SNX29: variants seen among roughly 807,000 people sequenced by gnomAD.
SNX29 encodes sorting nexin 29.
A neutral mutation model predicts 102.1 loss-of-function variants in SNX29; 78 were observed. The ratio of observed to expected loss-of-function variants is 0.76; its 90% CI spans 0.64 to 0.92. SNX29 has a LOEUF of 0.92. SNX29 is among the 40% of genes least tolerant of loss of function. The pLI, the probability that SNX29 is intolerant of heterozygous loss-of-function variation, is 0.00. For missense variants in SNX29, 1,280 were observed against 1,061.7 expected (o/e 1.21, Z -2.86); for synonymous variants, 580 against 414.5 (o/e 1.40, Z -4.85).
At chr16:12,159,066 C>T (rs1333233604) in intron 13 of SNX29, among the ~76,000 whole-genome samples, 1 of 152,220 alleles carries the variant, frequency 6.6e-6, no homozygotes, top group African/African-American at 2.4e-5. Flanking sequence ...GAAAGCACAT[C>T]TTGTGCATAA....
chr16:12,052,432 G>A, intron 8 of SNX29: 2 of 478,784 alleles, frequency 4.2e-6, no homozygotes, highest in Middle Eastern at 6.4e-4. Context: ...GGCCAGGCTG[G>A]TCTCAAACTC....
rs1256639892 is a variant in SNX29 at position 12,444,251 on chromosome 16, CGAGCACGTAGTAAGCACTCAGTA to C, written c.2038-33467_2038-33445del. Among the ~76,000 whole-genome samples the C allele has an allele frequency of 5.9e-3, 894 of 151,666 alleles. 6 individuals carry two copies. The highest frequency in any genetic ancestry group is 0.018 in the South Asian group (85 of 4,760). ...ATGTGGTAAGCACTCAATATAGCACCGAGCACGTAGTAAGCACTCAGTATAGCACCTAGCATGTAGTAAGCACT... is the reference window on the plus strand; with the variant it reads ...ATGTGGTAAGCACTCAATATAGCACCTAGCACCTAGCATGTAGTAAGCACT... On this transcript the variant is annotated intron_variant, in intron 18 of 20. Coordinates refer to ENST00000566228, the MANE Select transcript of SNX29 (RefSeq NM_032167.5).
intron 13 of SNX29, among the ~76,000 whole-genome samples, chr16:12,155,418 G>A (rs1386031712): frequency 6.6e-6 from 1 of 152,176 alleles, no homozygotes; most frequent in Non-Finnish European, 1.5e-5. Flanking sequence ...AGAGCACGGG[G>A]ATGAGGTGAG....
intron 4 of SNX29, among the ~76,000 whole-genome samples, chr16:12,028,774 G>A (rs1318327244): frequency 6.6e-6 from 1 of 152,040 alleles, no homozygotes; most frequent in Non-Finnish European, 1.5e-5. Context: ...TTGAGATGGA[G>A]TCTTGCTCTT....
chr16:12,548,666 G>A (rs985238233), intron 20 of SNX29, among the ~76,000 whole-genome samples: 8 of 152,224 alleles, frequency 5.3e-5, no homozygotes, highest in African/African-American at 1.9e-4. Context: ...AACTCAGCAA[G>A]AAGTGAAGTT....
At chr16:12,401,983 A>G (rs1345826223) in intron 17 of SNX29, among the ~76,000 whole-genome samples, 2 of 152,224 alleles carry the variant, frequency 1.3e-5, no homozygotes, top group Admixed American at 1.3e-4. Context: ...CCAATCCAGA[A>G]AAGTTAATAA....
intron 10 of SNX29, among the ~76,000 whole-genome samples, chr16:12,076,163 G>A (rs60901520): frequency 0.22 from 33,113 of 152,022 alleles, 4,060 homozygotes; most frequent in African/African-American, 0.34. Flanking sequence ...TGCATGGTGC[G>A]CTGCACCCAC....
rs2081936599 is a variant in SNX29 at position 12,349,556 on chromosome 16, A to T, written c.1783-6607A>T. On this transcript the variant is annotated intron_variant, in intron 15 of 20. Coordinates refer to ENST00000566228, the MANE Select transcript of SNX29 (RefSeq NM_032167.5). Reference sequence around the variant, plus strand: ...AGGAAATGCTCATTGGAGCATTTGGATTTCAGATTTTCAGATTTGGGATGC... The same window carrying T: ...AGGAAATGCTCATTGGAGCATTTGGTTTTCAGATTTTCAGATTTGGGATGC... 2.0e-5 allele frequency among the ~76,000 whole-genome samples: 3 copies of T among 152,330 alleles called. No individual in the cohort carries two copies. In the South Asian group the frequency reaches 6.2e-4, roughly 32 times the overall value.
intron 15 of SNX29, among the ~76,000 whole-genome samples, chr16:12,337,588 C>T (rs1198867576): frequency 4.6e-5 from 7 of 152,126 alleles, no homozygotes; most frequent in African/African-American, 1.4e-4. Flanking sequence ...GCGATCCTCC[C>T]ACCTCGGCCT....
intron 1 of SNX29, among the ~76,000 whole-genome samples, chr16:11,990,100 G>T (rs2055790344): frequency 6.6e-6 from 1 of 152,216 alleles, no homozygotes; most frequent in Admixed American, 6.5e-5. Context: ...AGGGCGGCCA[G>T]CCCCCACCTT....
chr16:12,382,353 G>A (rs1597169454), intron 16 of SNX29, among the ~76,000 whole-genome samples: 1 of 152,312 alleles, frequency 6.6e-6, no homozygotes, highest in Non-Finnish European at 1.5e-5. Context: ...GGTCTTGTAA[G>A]TTGAGTTATA....
intron 3 of SNX29, 138 bp downstream of exon 3, chr16:12,003,181 C>T: frequency 1.0e-6 from 1 of 1,004,976 alleles, no homozygotes. Context: ...CCTCTGCAGC[C>T]AAGAGGTGCA....
intron 9 of SNX29, among the ~76,000 whole-genome samples, chr16:12,067,032 T>TAAATAAGC (rs398058104): frequency 1.9e-4 from 26 of 138,962 alleles, no homozygotes; most frequent in African/African-American, 7.0e-4. Context: ...AATAAATAAA[T>TAAATAAGC]AAGCAGGCCA....
At chr16:12,183,258 C>T (rs2076433396) in intron 13 of SNX29, among the ~76,000 whole-genome samples, 1 of 152,200 alleles carries the variant, frequency 6.6e-6, no homozygotes, top group Non-Finnish European at 1.5e-5. Flanking sequence ...GCCTTAGCCT[C>T]CCAAAGTGCT....
intron 17 of SNX29, 36 bp from the exon 18 acceptor site, chr16:12,403,412 G>A (rs202081368): frequency 6.4e-7 from 1 of 1,552,920 alleles, no homozygotes; most frequent in Non-Finnish European, 8.8e-7. Context: ...AAGTTAAAAT[G>A]TCTAATGTTG....
chr16:12,082,854 G>T (rs750015512), intron 11 of SNX29, among the ~76,000 whole-genome samples: 5 of 152,208 alleles, frequency 3.3e-5, no homozygotes, highest in Non-Finnish European at 5.9e-5. Flanking sequence ...GAAATTTTGA[G>T]CGAAGGGTGG....
Position 12,294,870 on chromosome 16 carries a change from C to T in SNX29, c.1782+16834C>T, listed in dbSNP as rs550033731. On this transcript the variant is annotated intron_variant, in intron 15 of 20. Transcript: ENST00000566228. Reference sequence around the variant, plus strand: ...CCTGTTTTCACGCTGCTGATAAAGACATATCTGAGACTGGGTAATTTATTT... The same window carrying T: ...CCTGTTTTCACGCTGCTGATAAAGATATATCTGAGACTGGGTAATTTATTT... Among the ~76,000 whole-genome samples, 8 of 151,962 alleles carry T rather than the reference C, an allele frequency of 5.3e-5. 1 individual carries two copies. Among genetic ancestry groups the T allele is most frequent in the African/African-American group, 1.9e-4 (8 of 41,430 alleles).
chr16:12,047,461 C>A (rs1487302722), intron 6 of SNX29, among the ~76,000 whole-genome samples: 1 of 152,070 alleles, frequency 6.6e-6, no homozygotes, highest in East Asian at 1.9e-4. Flanking sequence ...TCATAAGATG[C>A]CAAGTGTAAG....
chr16:12,306,216 G>GAT (rs1044900414), intron 15 of SNX29, among the ~76,000 whole-genome samples: 81 of 152,282 alleles, frequency 5.3e-4, no homozygotes, highest in African/African-American at 1.6e-3. Flanking sequence ...GAATGGCTTT[G>GAT]ATATAGAAAG....
Sources: gnomAD v4.1 joint callset for allele counts (sites outside exome capture counted in the v4.1 genomes callset) on GRCh38, gnomAD v4.1.1 for gene constraint, MANE v1.5 for transcripts, NCBI Gene and HGNC (gene_info 2026-07-23, HGNC 2026-07-21) for gene names.